Variants in NUP93 observed in about 807,000 individuals in gnomAD.
NUP93 encodes nucleoporin 93, also known as nuclear pore complex protein Nup93.
Under a neutral mutation model 107.8 loss-of-function variants are expected in NUP93, and 55 were observed. The ratio of observed to expected loss-of-function variants is 0.51; its 90% CI spans 0.41 to 0.64. NUP93 has a LOEUF of 0.64. Among genes scored for constraint, NUP93 ranks in the 30% least tolerant of loss-of-function variants. The pLI is 0.00. For synonymous variants in NUP93, 390 were observed against 397.5 expected (o/e 0.98, Z 0.22); for missense variants, 937 against 1,044.7 (o/e 0.90, Z 1.42).
chr16:56,739,973 C>T (rs1213973969), intron 1 of NUP93, among the ~76,000 whole-genome samples: 1 of 110,356 alleles, frequency 9.1e-6, no homozygotes, highest in African/African-American at 3.7e-5. Flanking sequence ...CCCTCCCGGA[C>T]GGGGCGGCTG....
intron 3 of NUP93, among the ~76,000 whole-genome samples, chr16:56,788,731 C>A (rs1434314730): frequency 6.6e-6 from 1 of 152,206 alleles, no homozygotes; most frequent in Non-Finnish European, 1.5e-5. Context: ...GCCTTCCTCC[C>A]CAAGTGCAGC....
intron 3 of NUP93, among the ~76,000 whole-genome samples, chr16:56,790,090 T>TC (rs1962722844): frequency 8.2e-6 from 1 of 122,258 alleles, no homozygotes; most frequent in African/African-American, 3.2e-5. Context: ...AGAGCAAAAC[T>TC]CCATCTCAAA....
intron 4 of NUP93, among the ~76,000 whole-genome samples, chr16:56,801,019 A>G (rs190184884): frequency 1.3e-5 from 2 of 152,224 alleles, no homozygotes; most frequent in Non-Finnish European, 2.9e-5. Context: ...ATTTATAATA[A>G]TTTCTCCACT....
Position 56,844,303 on chromosome 16 carries a change from G to A in NUP93, c.2350-196G>A, listed in dbSNP as rs151045157. Among the ~76,000 whole-genome samples the A allele has an allele frequency of 6.7e-3, 1,018 of 152,292 alleles. 11 individuals are homozygous for A. Among genetic ancestry groups the A allele is most frequent in the African/African-American group, 0.023 (966 of 41,560 alleles). ...CTGTGGAACAGAGGCCTCGGGGGAC[G>A]AGCTTTGTTAACTTTGTGTTATGTT... On this transcript the variant is annotated intron_variant, in intron 21 of 21. Coordinates refer to ENST00000308159, the MANE Select transcript of NUP93 (RefSeq NM_014669.5).
chr16:56,783,563 C>G, intron 3 of NUP93: 1 of 985,396 alleles, frequency 1.0e-6, no homozygotes, highest in African/African-American at 1.7e-5. Flanking sequence ...ACTCAATTAT[C>G]CACGCCTTGG....
intron 3 of NUP93, among the ~76,000 whole-genome samples, chr16:56,788,860 C>G (rs1484206352): frequency 2.0e-5 from 3 of 152,172 alleles, no homozygotes; most frequent in African/African-American, 7.2e-5. Flanking sequence ...CTCTGGTCTC[C>G]TCAGTACCCC....
chr16:56,781,758 C>G (rs2144520141), intron 3 of NUP93: 2 of 888,012 alleles, frequency 2.3e-6, no homozygotes, highest in Middle Eastern at 5.7e-4. Flanking sequence ...TACATGTTGT[C>G]TCTCCCCCTC....
intron 2 of NUP93, among the ~76,000 whole-genome samples, chr16:56,749,343 C>T (rs189860839): frequency 6.6e-6 from 1 of 152,326 alleles, no homozygotes; most frequent in East Asian, 1.9e-4. Context: ...GCAACAAAGG[C>T]TCAGAGAAGT....
chr16:56,754,065 T>TA (rs1432808986), intron 2 of NUP93, among the ~76,000 whole-genome samples: 5 of 151,970 alleles, frequency 3.3e-5, no homozygotes, highest in African/African-American at 1.2e-4. Flanking sequence ...TTAGGAAACT[T>TA]ACAATCATGG....
intron 13 of NUP93, 88 bp from the exon 14 acceptor site, chr16:56,834,040 G>C (rs1048515512): frequency 1.3e-6 from 2 of 1,570,716 alleles, no homozygotes; most frequent in Admixed American, 1.7e-5. Flanking sequence ...GATGCTGCTG[G>C]GTCTGTGGAT....
At chr16:56,829,220 G>A (rs1963730912) in intron 9 of NUP93, 111 bp downstream of exon 9, 1 of 1,309,524 alleles carries the variant, frequency 7.6e-7, no homozygotes, top group South Asian at 1.5e-5. Flanking sequence ...GTGGAGATGG[G>A]ACCAGAGAGG....
At chr16:56,809,326 G>C (rs1042924786) in intron 5 of NUP93, among the ~76,000 whole-genome samples, 7 of 152,020 alleles carry the variant, frequency 4.6e-5, no homozygotes, top group Admixed American at 1.3e-4. Context: ...AGACCTTCAG[G>C]GTCTTTACTG....
intron 3 of NUP93, among the ~76,000 whole-genome samples, chr16:56,791,989 A>G (rs539812361): frequency 1.3e-5 from 2 of 152,340 alleles, no homozygotes; most frequent in Admixed American, 1.3e-4. Context: ...ATCAATACCC[A>G]TACCACATAT....
rs779509752 is a variant in NUP93, at chr16:56,831,905, A to G, written c.1149A>G (p.Thr383=). ...LHYRRALRNN[T]DPYKRAVYCI... ...ACCGTAGGGCCCTCAGGAACAATAC[A>G]GATCCCTACAAGCGGGCCGTGTACT... is the stretch of plus-strand genomic sequence containing the variant. The change falls in exon 11 of 22, where the codon ACA becomes ACG. Residue 383 remains threonine, a synonymous_variant. Coordinates refer to ENST00000308159, the MANE Select transcript of NUP93 (RefSeq NM_014669.5). 6.2e-7 allele frequency: 1 copy of G among 1,614,176 alleles called. No individual in the cohort carries two copies. Among genetic ancestry groups the G allele is most frequent in the East Asian group, 2.2e-5 (1 of 44,884 alleles).
At chr16:56,738,431 T>A (rs1311461725) in intron 1 of NUP93, among the ~76,000 whole-genome samples, 4 of 152,244 alleles carry the variant, frequency 2.6e-5, no homozygotes, top group African/African-American at 9.6e-5. Context: ...CCATTCCTTA[T>A]TGCAAACATT....
chr16:56,840,866 G>A (rs1423671916), intron 20 of NUP93, among the ~76,000 whole-genome samples: 1 of 152,112 alleles, frequency 6.6e-6, no homozygotes, highest in African/African-American at 2.4e-5. Context: ...GCGTGGTGAC[G>A]CATACCTGTA....
chr16:56,786,852 A>G (rs1244288704), intron 3 of NUP93, among the ~76,000 whole-genome samples: 2 of 152,216 alleles, frequency 1.3e-5, no homozygotes, highest in Non-Finnish European at 2.9e-5. Context: ...CCTCCCAGTA[A>G]GGATGAGCTA....
chr16:56,810,331 G>C (rs77309814), intron 5 of NUP93, among the ~76,000 whole-genome samples: 1 of 152,144 alleles, frequency 6.6e-6, no homozygotes, highest in Non-Finnish European at 1.5e-5. Flanking sequence ...GTGCACAGAC[G>C]TAAGTATGCA....
intron 4 of NUP93, among the ~76,000 whole-genome samples, chr16:56,799,062 A>G (rs534777463): frequency 1.3e-5 from 2 of 152,226 alleles, no homozygotes; most frequent in South Asian, 4.1e-4. Context: ...GAGACACTGG[A>G]CTGGACAATT....
Sources: gnomAD v4.1 joint callset for allele counts (sites outside exome capture counted in the v4.1 genomes callset) on GRCh38, gnomAD v4.1.1 for gene constraint, MANE v1.5 for transcripts, NCBI Gene and HGNC (gene_info 2026-07-23, HGNC 2026-07-21) for gene names.